The following PDE4DIP variants were observed in gnomAD, a reference collection of about 807,000 sequenced individuals.
The protein encoded by PDE4DIP is myomegalin.
A neutral mutation model predicts 221.4 loss-of-function variants in PDE4DIP; 59 were observed. The observed-to-expected ratio is 0.27, with a 90% CI of 0.22 to 0.33. The LOEUF (loss-of-function observed/expected upper bound fraction) is 0.33, where lower values mean the gene tolerates loss of function less well. PDE4DIP is among the 10% of genes least tolerant of loss of function. The pLI, the probability that PDE4DIP is intolerant of heterozygous loss-of-function variation, is 1.00. For missense variants in PDE4DIP, 1,036 were observed against 2,154.2 expected (o/e 0.48, Z 10.28); for synonymous variants, 404 against 815.9 (o/e 0.50, Z 8.60).
intron 22 of PDE4DIP, among the ~76,000 whole-genome samples, chr1:148,996,489 C>T (rs1325426645): frequency 6.6e-6 from 1 of 152,130 alleles, no homozygotes; most frequent in African/African-American, 2.4e-5. Context: ...CAGACATTCC[C>T]AGGAGCCTCC....
rs1230898601 is a variant in PDE4DIP at position 149,023,768 on chromosome 1, G to A, written c.6086-677G>A. ...TATGTGTGCACATATATATGTACAT[G>A]TATATGTGTGTACATATATATGTAC... On this transcript the variant is annotated intron_variant, in intron 37 of 43. Coordinates refer to ENST00000369354, the Ensembl canonical transcript of PDE4DIP. Among the ~76,000 whole-genome samples, 3 of 108,898 alleles carry A rather than the reference G, an allele frequency of 2.8e-5. 1 individual carries two copies. Among genetic ancestry groups the A allele is most frequent in the Admixed American group, 9.4e-5 (1 of 10,654 alleles). The allele number at this position is 108,898 out of a possible 152,430, so 71.4% of individuals were successfully genotyped here.
At chr1:148,962,470 C>T (rs782658922) in exon 9 of PDE4DIP, 8 of 694,050 alleles carry the variant, frequency 1.2e-5, no homozygotes, top group African/African-American at 7.5e-5. Context: ...GGTAGCTCTG[C>T]TTGATCTTCA....
intron 21 of PDE4DIP, among the ~76,000 whole-genome samples, chr1:148,986,812 A>G (rs1163880576): frequency 6.6e-6 from 1 of 152,214 alleles, no homozygotes; most frequent in Non-Finnish European, 1.5e-5. Context: ...TGCTGTCTCT[A>G]AACATTCCTA....
At chr1:148,961,269 C>T (rs1204939612) in intron 6 of PDE4DIP, among the ~76,000 whole-genome samples, 4 of 152,188 alleles carry the variant, frequency 2.6e-5, no homozygotes, top group Non-Finnish European at 4.4e-5. Flanking sequence ...GACCATGCCA[C>T]TGCACTCAGG....
At chr1:148,915,076 G>A (rs28550136) in intron 1 of PDE4DIP, among the ~76,000 whole-genome samples, 6 of 150,960 alleles carry the variant, frequency 4.0e-5, no homozygotes, top group East Asian at 3.9e-4. Flanking sequence ...AATGTAACCC[G>A]AGATGTGTAG....
At chr1:148,979,668 A>C in intron 19 of PDE4DIP, 69 bp from the exon 23 acceptor site, 1 of 1,429,574 alleles carries the variant, frequency 7.0e-7, no homozygotes, top group African/African-American at 1.4e-5. Context: ...ATGCTAATGC[A>C]TTTTCTTGTT....
At chr1:148,961,692 T>A in intron 6 of PDE4DIP, 145 bp from the exon 10 acceptor site, 1 of 557,352 alleles carries the variant, frequency 1.8e-6, no homozygotes, top group East Asian at 3.0e-5. Flanking sequence ...GACTTACCAC[T>A]TTAATGGTTA....
exon 20 of PDE4DIP, chr1:148,979,772 G>C (rs2060783472): frequency 6.2e-7 from 1 of 1,613,480 alleles, no homozygotes; most frequent in South Asian, 1.1e-5. Flanking sequence ...TAGATGAACG[G>C]AGTCGGCTCA....
At chr1:148,953,191 G>A (rs782591359) in intron 5 of PDE4DIP, 4 of 1,614,110 alleles carry the variant, frequency 2.5e-6, no homozygotes, top group Non-Finnish European at 3.4e-6. Context: ...CCTATTCAGG[G>A]TTTGAGTGCT....
chr1:148,960,765 C>G (rs2056730458), exon 6 of PDE4DIP: 1 of 526,730 alleles, frequency 1.9e-6, no homozygotes, highest in African/African-American at 2.2e-5. Context: ...AAAAATCCAG[C>G]AAACAGAGGC....
In PDE4DIP at chr1:149,001,571, A is replaced by G. The variant is rs1553575793; in HGVS notation, c.3138-20A>G. On this transcript the variant is annotated intron_variant, in intron 23 of 43. Transcript: ENST00000369354. ...TTGTGAGGACCAGACCTAGCCCTCAATTAAGTGTGTTTCCTGCAGGAACAC... is the reference window on the plus strand; with the variant it reads ...TTGTGAGGACCAGACCTAGCCCTCAGTTAAGTGTGTTTCCTGCAGGAACAC... The G allele has an allele frequency of 1.8e-6, 2 of 1,133,552 alleles. No homozygotes were observed. The highest frequency in any genetic ancestry group is 2.3e-5 in the East Asian group (1 of 42,912). 70.2% of individuals were successfully genotyped at this position (1,133,552 alleles called of 1,614,324 possible).
intron 41 of PDE4DIP, among the ~76,000 whole-genome samples, 164 bp from the exon 45 acceptor site, chr1:149,029,623 C>G (rs1382824441): frequency 2.0e-4 from 31 of 152,138 alleles, no homozygotes; most frequent in African/African-American, 2.4e-5. Context: ...TGGCCTCATC[C>G]TGAACTGTCC....
intron 9 of PDE4DIP, among the ~76,000 whole-genome samples, chr1:148,964,531 A>G (rs1236317901): frequency 2.0e-5 from 3 of 150,176 alleles, no homozygotes; most frequent in Non-Finnish European, 4.4e-5. Flanking sequence ...CAGGTTTAAA[A>G]GTAATTTTTG....
chr1:148,862,235 C>T (rs1297120183), intron 1 of PDE4DIP, among the ~76,000 whole-genome samples: 2 of 151,338 alleles, frequency 1.3e-5, no homozygotes, highest in African/African-American at 2.4e-5. Context: ...TTTATTGTCT[C>T]CCCTTACTGT....
At chr1:148,972,301 CTGAAGT>C (rs782640226) in exon 15 of PDE4DIP, 7 of 1,024,240 alleles carry the variant, frequency 6.8e-6, no homozygotes, top group Non-Finnish European at 1.1e-5. Flanking sequence ...AACCAACAAG[CTGAAGT>C]TACCCCCACT....
chr1:148,859,760 T>C (rs1683234977), intron 1 of PDE4DIP, among the ~76,000 whole-genome samples: 1 of 139,258 alleles, frequency 7.2e-6, no homozygotes, highest in Non-Finnish European at 1.5e-5. Context: ...ACTTGGGTAA[T>C]ACGAAAGAAT....
At chr1:148,975,159 A>G (rs760514076) in intron 17 of PDE4DIP, among the ~76,000 whole-genome samples, 164 of 148,620 alleles carry the variant, frequency 1.1e-3, no homozygotes, top group Non-Finnish European at 2.0e-3. Context: ...CAACAAGAGC[A>G]AAACTCCGCC....
At chr1:148,997,475 A>C (rs1428776524) in intron 22 of PDE4DIP, among the ~76,000 whole-genome samples, 5 of 151,934 alleles carry the variant, frequency 3.3e-5, no homozygotes, top group Non-Finnish European at 5.9e-5. Flanking sequence ...TAATAACCAA[A>C]AAGTGAGGTT....
chr1:149,022,735 A>G (rs587635451), intron 37 of PDE4DIP, among the ~76,000 whole-genome samples: 1 of 151,540 alleles, frequency 6.6e-6, no homozygotes, highest in African/African-American at 2.4e-5. Flanking sequence ...TCTGTATAGT[A>G]GATAATGAAA....
Sources: allele counts gnomAD v4.1 joint callset (sites outside exome capture counted in the v4.1 genomes callset), GRCh38; gene constraint gnomAD v4.1.1; transcripts MANE v1.5; gene names NCBI Gene and HGNC (gene_info 2026-07-23, HGNC 2026-07-21).